The following IQCM variants were observed in gnomAD, a reference collection of about 807,000 sequenced individuals.
IQCM encodes the protein IQ motif containing M.
In IQCM, 45 loss-of-function variants were observed where a neutral mutation model predicts 57.6. The ratio of observed to expected loss-of-function variants is 0.78; its 90% CI spans 0.62 to 1.00. The LOEUF is 1.00. Ranked by LOEUF, IQCM falls within the 50% of genes least tolerant of loss-of-function variation. The probability of loss-of-function intolerance (pLI) is 0.00; values close to 1 mark genes in which losing one functional copy is unlikely to be tolerated. For missense variants in IQCM, 468 were observed against 511.6 expected (o/e 0.91, Z 0.82); for synonymous variants, 148 against 158.9 (o/e 0.93, Z 0.51).
At chr4:149,366,422 C>A (rs1729847784) in intron 13 of IQCM, among the ~76,000 whole-genome samples, 2 of 151,778 alleles carry the variant, frequency 1.3e-5, no homozygotes, top group African/African-American at 4.8e-5. Flanking sequence ...CCAAAACTTC[C>A]CATATCTCTT....
intron 13 of IQCM, among the ~76,000 whole-genome samples, chr4:149,361,045 G>A (rs1277533144): frequency 6.6e-6 from 1 of 152,198 alleles, no homozygotes; most frequent in African/African-American, 2.4e-5. Flanking sequence ...AGATGGAGAT[G>A]AGGAAGCTGT....
chr4:149,487,589 C>CA lies in IQCM; in HGVS notation c.1229-54033dup, dbSNP rs1299019942. ...TTCAGCTCATGGTGGCGAGTCTTGC[C>CA]AAGAAACTCAAGTACTGACCACTGG... is the stretch of plus-strand genomic sequence containing the variant. On this transcript the variant is annotated intron_variant, in intron 12 of 13. Transcript: ENST00000636793. Among the ~76,000 whole-genome samples, 53 of 152,096 alleles carry CA rather than the reference C, an allele frequency of 3.5e-4. 1 individual carries two copies.
At chr4:149,416,245 C>G (rs187386314) in intron 13 of IQCM, among the ~76,000 whole-genome samples, 234 of 152,012 alleles carry the variant, frequency 1.5e-3, no homozygotes, top group African/African-American at 5.4e-3. Flanking sequence ...CCCCATGGAG[C>G]CTTAAAAATA....
chr4:149,565,260 A>G (rs1750510705), intron 9 of IQCM, among the ~76,000 whole-genome samples: 3 of 152,108 alleles, frequency 2.0e-5, no homozygotes, highest in East Asian at 1.9e-4. Context: ...CTGTTTTTGC[A>G]TATTTTCTTA....
chr4:149,700,958 G>T (rs1763721906), intron 5 of IQCM, among the ~76,000 whole-genome samples: 2 of 151,970 alleles, frequency 1.3e-5, no homozygotes, highest in Non-Finnish European at 2.9e-5. Context: ...GATATCATCA[G>T]GGACACTGTA....
intron 8 of IQCM, among the ~76,000 whole-genome samples, chr4:149,604,066 A>G (rs1414957486): frequency 6.6e-6 from 1 of 152,168 alleles, no homozygotes; most frequent in Non-Finnish European, 1.5e-5. Flanking sequence ...CATAATATAT[A>G]TAAAGGTAAA....
At chr4:149,580,589 C>G (rs934770844) in intron 9 of IQCM, among the ~76,000 whole-genome samples, 8 of 151,740 alleles carry the variant, frequency 5.3e-5, no homozygotes, top group African/African-American at 1.9e-4. Context: ...TTTCAAGGTT[C>G]TCATAAAATC....
intron 13 of IQCM, among the ~76,000 whole-genome samples, chr4:149,384,147 T>C (rs1476173247): frequency 2.0e-5 from 3 of 152,124 alleles, no homozygotes; most frequent in Non-Finnish European, 4.4e-5. Context: ...TGAGATTCAG[T>C]AAAGCAAAGT....
intron 12 of IQCM, among the ~76,000 whole-genome samples, chr4:149,495,198 C>T (rs1458676371): frequency 6.6e-6 from 1 of 152,038 alleles, no homozygotes; most frequent in Non-Finnish European, 1.5e-5. Flanking sequence ...CTTATATATT[C>T]CAGGGACTCT....
chr4:149,803,107 T>C (rs1773754073), intron 2 of IQCM, among the ~76,000 whole-genome samples: 1 of 151,948 alleles, frequency 6.6e-6, no homozygotes, highest in Admixed American at 6.6e-5. Flanking sequence ...CTGAGGTTTA[T>C]ACCCAAGCCT....
chr4:149,407,986 T>C (rs1269423497), intron 13 of IQCM, among the ~76,000 whole-genome samples: 1 of 152,168 alleles, frequency 6.6e-6, no homozygotes, highest in African/African-American at 2.4e-5. Flanking sequence ...CCGTTTTCTC[T>C]ATAGCCTCAC....
chr4:149,442,419 A>C (rs991860961), intron 12 of IQCM, among the ~76,000 whole-genome samples: 55 of 152,034 alleles, frequency 3.6e-4, no homozygotes, highest in Non-Finnish European at 6.9e-4. Flanking sequence ...AACAAAAAAA[A>C]CCCAAAAAAC....
At chr4:149,404,456 G>C (rs761031752) in intron 13 of IQCM, among the ~76,000 whole-genome samples, 20 of 152,028 alleles carry the variant, frequency 1.3e-4, no homozygotes, top group Non-Finnish European at 2.6e-4. Flanking sequence ...AGTACCCTGA[G>C]AGTTCAAACG....
intron 13 of IQCM, among the ~76,000 whole-genome samples, chr4:149,410,146 C>A (rs28756884): frequency 2.6e-5 from 4 of 151,886 alleles, no homozygotes; most frequent in African/African-American, 7.3e-5. Context: ...TTGCGCCACT[C>A]CACTCCAGCC....
chr4:149,455,316 C>CCA lies in IQCM; in HGVS notation c.1229-21761_1229-21760dup, dbSNP rs1303306196. 3.3e-5 allele frequency among the ~76,000 whole-genome samples: 5 copies of CCA among 151,992 alleles called. No individual in the cohort carries two copies. The East Asian group carries it at 9.7e-4, about 29-fold the overall frequency. ...AGGATTTACCCCAAACTACCTGATC[C>CCA]CAAAGGCAGAATGTTGTGGGGGAAG... On this transcript the variant is annotated intron_variant, in intron 12 of 13. Coordinates refer to ENST00000636793, the MANE Select transcript of IQCM (RefSeq NM_001363507.2).
intron 12 of IQCM, among the ~76,000 whole-genome samples, chr4:149,435,337 C>T (rs1190041678): frequency 6.6e-6 from 1 of 151,886 alleles, no homozygotes; most frequent in East Asian, 1.9e-4. Context: ...AGATACAAAA[C>T]GGAGCTAAAA....
chr4:149,365,845 G>A (rs1184291233), intron 13 of IQCM, among the ~76,000 whole-genome samples: 1 of 152,112 alleles, frequency 6.6e-6, no homozygotes, highest in African/African-American at 2.4e-5. Flanking sequence ...TCAAAGCCAA[G>A]ATGAGCCTAA....
In IQCM at chr4:149,553,281, C is replaced by T; in HGVS notation, c.955G>A (p.Asp319Asn). 8.1e-7 allele frequency: 1 copy of T among 1,231,832 alleles called. No individual in the cohort carries two copies. The highest frequency in any genetic ancestry group is 1.0e-6 in the Non-Finnish European group (1 of 987,750). 76.3% of individuals were successfully genotyped at this position (1,231,832 alleles called of 1,614,324 possible). Residue 319 changes from aspartate (D) to asparagine (N), a missense_variant, in exon 11 of 14, where the codon GAT becomes AAT. Coordinates refer to ENST00000636793, the MANE Select transcript of IQCM (RefSeq NM_001363507.2). ...ACTGCTTTCATATCTGGTCCATGAT[C>T]CAAAGCCTACAAAGACAGAAAAGCT... is the stretch of plus-strand genomic sequence containing the variant. ...RLQRVMTKALDHGPDMKAVIN... is the reference protein window; with the variant it reads ...RLQRVMTKALNHGPDMKAVIN...
Position 149,621,206 on chromosome 4 carries a change from T to C in IQCM, c.604A>G (p.Arg202Gly). 2 of 1,231,940 alleles carry C rather than the reference T, an allele frequency of 1.6e-6. No individual in the cohort carries two copies. The highest frequency in any genetic ancestry group is 2.0e-6 in the Non-Finnish European group (2 of 987,776). The allele number at this position is 1,231,940 out of a possible 1,614,324, so 76.3% of individuals were successfully genotyped here. The change falls in exon 8 of 14, where the codon AGG (arginine) becomes GGG (glycine). Residue 202 changes from arginine to glycine, a missense_variant. Coordinates refer to ENST00000636793, the MANE Select transcript of IQCM (RefSeq NM_001363507.2). The part of the protein sequence containing the change: ...FYDWRGFVLT[R>G]SFRLACDSRR... ...GAGTCACAAGCCAAACGGAAAGACC[T>C]TGTCAGCACAAATCCTCTCCAGTCA...
Sources: allele counts gnomAD v4.1 joint callset (sites outside exome capture counted in the v4.1 genomes callset), GRCh38; gene constraint gnomAD v4.1.1; transcripts MANE v1.5; gene names NCBI Gene and HGNC (gene_info 2026-07-23, HGNC 2026-07-21).